The following CADM2 variants were observed in gnomAD, a reference collection of about 807,000 sequenced individuals.
The protein encoded by CADM2 is immunoglobulin superfamily member 4D.
Under a neutral mutation model 49.8 loss-of-function variants are expected in CADM2, and 12 were observed. The ratio of observed to expected loss-of-function variants is 0.24; its 90% confidence interval spans 0.15 to 0.39. The LOEUF (loss-of-function observed/expected upper bound fraction) is 0.39. CADM2 is among the 10% of genes least tolerant of loss of function. CADM2 has a pLI of 1.00. For missense variants in CADM2, 378 were observed against 492.3 expected (o/e 0.77, Z 2.20); for synonymous variants, 214 against 175.4 (o/e 1.22, Z -1.74).
intron 1 of CADM2, among the ~76,000 whole-genome samples, chr3:85,631,413 A>G (rs1048373767): frequency 6.6e-6 from 1 of 152,118 alleles, no homozygotes; most frequent in African/African-American, 2.4e-5. Flanking sequence ...TCCATGGATT[A>G]TAGCATGCTA....
At chr3:85,031,712 G>C (rs1472043662) in intron 1 of CADM2, among the ~76,000 whole-genome samples, 1 of 151,536 alleles carries the variant, frequency 6.6e-6, no homozygotes, top group Non-Finnish European at 1.5e-5. Flanking sequence ...AGTAGATACG[G>C]GGTTTCACAG....
intron 1 of CADM2, among the ~76,000 whole-genome samples, chr3:85,499,973 A>T (rs979789279): frequency 6.6e-6 from 1 of 152,204 alleles, no homozygotes; most frequent in African/African-American, 2.4e-5. Context: ...AGTGCTGCTT[A>T]GTTCTACAAT....
intron 1 of CADM2, among the ~76,000 whole-genome samples, chr3:85,635,677 T>TA (rs201739282): frequency 1.3e-5 from 2 of 152,088 alleles, no homozygotes; most frequent in African/African-American, 4.8e-5. Context: ...TTTTAGGACA[T>TA]AAAAAAATTT....
chr3:84,982,737 A>ATATATATATATT (rs1553663805), intron 1 of CADM2, among the ~76,000 whole-genome samples: 2 of 115,368 alleles, frequency 1.7e-5, no homozygotes, highest in Non-Finnish European at 3.4e-5. Context: ...ATATATATAC[A>ATATATATATATT]TTTTTTGTTT....
At chr3:85,982,145 CAT>C (rs1347838103) in intron 8 of CADM2, among the ~76,000 whole-genome samples, 5 of 151,610 alleles carry the variant, frequency 3.3e-5, no homozygotes, top group African/African-American at 9.7e-5. Context: ...TAGCCACACA[CAT>C]GTCTGCTTTT....
At chr3:85,058,013 G>A (rs2036157054) in intron 1 of CADM2, among the ~76,000 whole-genome samples, 1 of 152,134 alleles carries the variant, frequency 6.6e-6, no homozygotes, top group Non-Finnish European at 1.5e-5. Flanking sequence ...AAATACAGTT[G>A]AATTGATTAG....
At chr3:85,312,383 G>T (rs1164270649) in intron 1 of CADM2, among the ~76,000 whole-genome samples, 1 of 152,102 alleles carries the variant, frequency 6.6e-6, no homozygotes, top group Non-Finnish European at 1.5e-5. Context: ...GCATCAATAT[G>T]TGGTCCTACC....
intron 1 of CADM2, among the ~76,000 whole-genome samples, chr3:85,043,813 A>T (rs1037229672): frequency 1.3e-5 from 2 of 152,172 alleles, no homozygotes; most frequent in African/African-American, 4.8e-5. Context: ...ACTTAGAAGA[A>T]ACCATACTTT....
chr3:85,653,635 A>C (rs1240045062), intron 1 of CADM2, among the ~76,000 whole-genome samples: 1 of 152,072 alleles, frequency 6.6e-6, no homozygotes, highest in Admixed American at 6.6e-5. Context: ...GAAGATGTTG[A>C]ATATATAAGT....
chr3:85,955,202 A>G (rs956888661), intron 7 of CADM2, among the ~76,000 whole-genome samples: 1 of 151,354 alleles, frequency 6.6e-6, no homozygotes, highest in Non-Finnish European at 1.5e-5. Context: ...AGGAAAGGTG[A>G]CTTTTTTTTC....
chr3:85,976,863 T>TAAG (rs1361330409), intron 8 of CADM2, among the ~76,000 whole-genome samples: 3 of 151,598 alleles, frequency 2.0e-5, no homozygotes, highest in Non-Finnish European at 4.4e-5. Flanking sequence ...TAAAAGATTC[T>TAAG]AAGGATGTTG....
chr3:85,191,333 C>T (rs545931048), intron 1 of CADM2, among the ~76,000 whole-genome samples: 8 of 151,798 alleles, frequency 5.3e-5, no homozygotes, highest in Non-Finnish European at 1.0e-4. Flanking sequence ...ATATATATTG[C>T]TTATAATAAT....
At position 85,154,973 on chromosome 3, in the gene CADM2, C is replaced by T. The variant is rs1456649072; in HGVS notation, c.61+195305C>T. Among the ~76,000 whole-genome samples, 41 of 151,844 alleles carry T rather than the reference C, an allele frequency of 2.7e-4. No homozygotes were observed. The South Asian group carries it at 4.0e-3, about 15-fold the overall frequency. ...ATGGAAAGGAACAACCGGTACCAGC[C>T]GCTGCAAAATCATGCCAGAATGTAA... On this transcript the variant is annotated intron_variant, in intron 1 of 9. Coordinates refer to ENST00000383699, the MANE Select transcript of CADM2 (RefSeq NM_001167675.2).
chr3:85,253,191 A>T (rs1408044174), intron 1 of CADM2, among the ~76,000 whole-genome samples: 1 of 152,094 alleles, frequency 6.6e-6, no homozygotes, highest in African/African-American at 2.4e-5. Context: ...ACAGCAATAC[A>T]TAACTGCACT....
intron 1 of CADM2, 43 bp downstream of exon 1, chr3:84,959,711 T>TTCCCAACTTC (rs2030263568): frequency 6.7e-7 from 1 of 1,483,970 alleles, no homozygotes; most frequent in South Asian, 1.2e-5. Context: ...TTCTCGCCCA[T>TTCCCAACTTC]TCCCCATCTT....
In CADM2 at chr3:85,960,612, C is replaced by T. The variant is rs548006205; in HGVS notation, c.792-857C>T. Among the ~76,000 whole-genome samples, 176 of 152,018 alleles carry T rather than the reference C, an allele frequency of 1.2e-3. 1 individual carries two copies. Among genetic ancestry groups the T allele is most frequent in the African/African-American group, 4.0e-3 (167 of 41,526 alleles). ...AATAAATGTAAATTACCTAGGATAA[C>T]AACTAGCAGATGGTAATAGATATTA... On this transcript the variant is annotated intron_variant, in intron 7 of 9. Transcript: ENST00000383699.
In CADM2 at chr3:85,195,004, G is replaced by A. The variant is rs924123426; in HGVS notation, c.61+235336G>A. On this transcript the variant is annotated intron_variant, in intron 1 of 9. Transcript: ENST00000383699. ...ACTACAGGTGCATGCTATTGTGCCT[G>A]GCTCTGCATTTTTAACCGGTCCAAT... is the stretch of plus-strand genomic sequence containing the variant. Among the ~76,000 whole-genome samples the A allele has an allele frequency of 2.6e-5, 4 of 152,060 alleles. No individual in the cohort carries two copies. The South Asian group carries it at 6.2e-4, about 24-fold the overall frequency.
intron 2 of CADM2, among the ~76,000 whole-genome samples, chr3:85,743,933 G>A (rs2068500992): frequency 6.6e-6 from 1 of 152,038 alleles, no homozygotes; most frequent in African/African-American, 2.4e-5. Flanking sequence ...ATAATTATTA[G>A]GCAAGTTCTA....
intron 1 of CADM2, among the ~76,000 whole-genome samples, chr3:85,109,866 T>C (rs745853957): frequency 6.6e-6 from 1 of 152,010 alleles, no homozygotes; most frequent in Non-Finnish European, 1.5e-5. Context: ...AATTTTACTA[T>C]TGTTTATAAA....
Sources: allele counts gnomAD v4.1 joint callset (sites outside exome capture counted in the v4.1 genomes callset), GRCh38; gene constraint gnomAD v4.1.1; transcripts MANE v1.5; gene names NCBI Gene and HGNC (gene_info 2026-07-23, HGNC 2026-07-21).